The following G3BP2 variants were observed in gnomAD, a reference collection of about 807,000 sequenced individuals.
G3BP2 encodes G3BP stress granule assembly factor 2, also known as ras GTPase-activating protein-binding protein 2.
G3BP2 carries 11 observed loss-of-function variants against 56.7 expected under a neutral mutation model. The ratio of observed to expected loss-of-function variants is 0.19; its 90% CI spans 0.12 to 0.32. The LOEUF is 0.32. Among genes scored for constraint, G3BP2 ranks in the 10% least tolerant of loss-of-function variants. The pLI, the probability that G3BP2 is intolerant of heterozygous loss-of-function variation, is 1.00. For synonymous variants in G3BP2, 165 were observed against 191.6 expected (o/e 0.86, Z 1.15); for missense variants, 340 against 610.9 (o/e 0.56, Z 4.67).
chr4:75,652,009 A>G (rs1410862181), intron 8 of G3BP2, among the ~76,000 whole-genome samples: 1 of 152,248 alleles, frequency 6.6e-6, no homozygotes, highest in African/African-American at 2.4e-5. Context: ...TAACAAACTA[A>G]AATTGAAGGA....
intron 3 of G3BP2, among the ~76,000 whole-genome samples, chr4:75,708,617 G>A (rs1719639550): frequency 6.6e-6 from 1 of 152,178 alleles, no homozygotes; most frequent in South Asian, 2.1e-4. Context: ...ACATCTTGGG[G>A]AATACAATAA....
chr4:75,680,363 C>T (rs1427557749), intron 3 of G3BP2, among the ~76,000 whole-genome samples: 4 of 152,180 alleles, frequency 2.6e-5, no homozygotes, highest in South Asian at 2.1e-4. Context: ...GGGATCAAAT[C>T]GCATTTTCTT....
chr4:75,682,794 A>C (rs1734131681), intron 3 of G3BP2, among the ~76,000 whole-genome samples: 1 of 152,012 alleles, frequency 6.6e-6, no homozygotes, highest in Non-Finnish European at 1.5e-5. Flanking sequence ...ATCCTGGCCA[A>C]CACGGTGAAA....
intron 3 of G3BP2, among the ~76,000 whole-genome samples, chr4:75,704,586 T>C (rs1278842581): frequency 6.6e-6 from 1 of 151,862 alleles, no homozygotes; most frequent in African/African-American, 2.4e-5. Context: ...CCCAAAGTAC[T>C]AGAATAGTAG....
intron 3 of G3BP2, among the ~76,000 whole-genome samples, chr4:75,681,497 C>T (rs558494628): frequency 5.7e-4 from 87 of 151,994 alleles, no homozygotes; most frequent in Non-Finnish European, 1.1e-3. Context: ...TACATACCTA[C>T]GATAAAGTTT....
At chr4:75,673,476 C>T (rs903821875), upstream of G3BP2, 1 of 1,232,192 alleles carries the variant, frequency 8.1e-7, no homozygotes, top group Non-Finnish European at 1.0e-6. Flanking sequence ...CAGGGAACCC[C>T]CGAGCACAGC....
chr4:75,706,393 T>C (rs1246805884), intron 3 of G3BP2, among the ~76,000 whole-genome samples: 2 of 152,224 alleles, frequency 1.3e-5, no homozygotes, highest in African/African-American at 4.8e-5. Context: ...TATACTGTTA[T>C]GGATTCTGGA....
chr4:75,717,389 G>A (rs745763615), intron 3 of G3BP2, among the ~76,000 whole-genome samples: 3 of 152,110 alleles, frequency 2.0e-5, no homozygotes, highest in Non-Finnish European at 4.4e-5. Context: ...GCAGAGAGGG[G>A]ACCTTGGAAG....
intron 3 of G3BP2, among the ~76,000 whole-genome samples, chr4:75,698,378 C>A (rs1341977312): frequency 2.6e-5 from 4 of 152,184 alleles, no homozygotes; most frequent in Admixed American, 2.6e-4. Flanking sequence ...GAAACCAATT[C>A]TTTCCTAGAG....
intron 3 of G3BP2, among the ~76,000 whole-genome samples, chr4:75,702,171 A>ATTTTT (rs57529973): frequency 1.8e-4 from 19 of 107,474 alleles, no homozygotes; most frequent in African/African-American, 2.9e-4. Flanking sequence ...AAACCCCCCA[A>ATTTTT]TTTTTTTTTT....
intron 8 of G3BP2, among the ~76,000 whole-genome samples, chr4:75,650,022 A>G (rs1303158531): frequency 6.6e-6 from 1 of 152,090 alleles, no homozygotes; most frequent in African/African-American, 2.4e-5. Context: ...ACAGAAATAA[A>G]TAAGTAAATA....
chr4:75,692,439 GTA>G (rs1718898861), intron 3 of G3BP2, among the ~76,000 whole-genome samples: 1 of 152,120 alleles, frequency 6.6e-6, no homozygotes. Context: ...AGCCTCCTGA[GTA>G]GCTGGGACTA....
At chr4:75,700,655 G>A (rs573709828) in intron 3 of G3BP2, among the ~76,000 whole-genome samples, 2 of 147,510 alleles carry the variant, frequency 1.4e-5, no homozygotes, top group Non-Finnish European at 3.0e-5. Context: ...TCCTGACCTC[G>A]TGATCCGCCT....
chr4:75,696,250 T>C (rs577906250), intron 3 of G3BP2, among the ~76,000 whole-genome samples: 1 of 152,090 alleles, frequency 6.6e-6, no homozygotes, highest in South Asian at 2.1e-4. Flanking sequence ...AACCCTAGTA[T>C]TTATGGTAGT....
At position 75,643,295 on chromosome 4, in the gene G3BP2, T is replaced by TTTATATATATATATATATATATATATATA. The variant is rs1491199523; in HGVS notation, c.*2134_*2135insTATATATATATATATATATATATATATAA. 2.0e-5 allele frequency: 2 copies of TTTATATATATATATATATATATATATATA among 99,942 alleles called. No individual in the cohort carries two copies. Among genetic ancestry groups the TTTATATATATATATATATATATATATATA allele is most frequent in the Non-Finnish European group, 4.3e-5 (2 of 46,322 alleles). 6.2% of individuals were successfully genotyped at this position (99,942 alleles called of 1,614,324 possible). A position where few individuals can be genotyped will look rare whatever the true frequency, so the allele number is the denominator to read the frequency against. ...GCAGGGCAATATCCTGAATTGGAAA[T>TTTATATATATATATATATATATATATATA]TATATATATATATATATATATGGAA... On this transcript the variant is annotated 3_prime_UTR_variant, in exon 12 of 12. Coordinates refer to ENST00000359707, the MANE Select transcript of G3BP2 (RefSeq NM_203505.3).
intron 3 of G3BP2, among the ~76,000 whole-genome samples, chr4:75,690,094 C>T (rs1477866530): frequency 6.6e-6 from 1 of 152,110 alleles, no homozygotes; most frequent in African/African-American, 2.4e-5. Flanking sequence ...ATTAAATTCA[C>T]AAAGGTCATC....
chr4:75,683,859 G>A (rs1718452050), intron 3 of G3BP2, among the ~76,000 whole-genome samples: 1 of 152,126 alleles, frequency 6.6e-6, no homozygotes, highest in African/African-American at 2.4e-5. Context: ...GTTTATGGTG[G>A]TGACATGAAA....
chr4:75,720,973 CAAAA>C (rs143804378), intron 2 of G3BP2, among the ~76,000 whole-genome samples: 41 of 69,572 alleles, frequency 5.9e-4, no homozygotes, highest in African/African-American at 1.7e-3. Context: ...TTCATCTCTA[CAAAA>C]AAAAAAAAAA....
chr4:75,673,580 T>A (rs1194582397), upstream of G3BP2: 1 of 1,231,790 alleles, frequency 8.1e-7, no homozygotes, highest in Non-Finnish European at 1.0e-6. Flanking sequence ...TCGCACACGC[T>A]CGCGCCCGGA....
Sources: gnomAD v4.1 joint callset for allele counts (sites outside exome capture counted in the v4.1 genomes callset) on GRCh38, gnomAD v4.1.1 for gene constraint, MANE v1.5 for transcripts, NCBI Gene and HGNC (gene_info 2026-07-23, HGNC 2026-07-21) for gene names.